VWA5B1: variants seen among roughly 807,000 people sequenced by gnomAD.
VWA5B1 encodes von Willebrand factor A domain containing 5B1.
VWA5B1 carries 115 observed loss-of-function variants against 118.2 expected under a neutral mutation model. The observed-to-expected ratio is 0.97, with a 90% CI of 0.84 to 1.14. The LOEUF is 1.14. Among genes scored for constraint, VWA5B1 ranks in the 50% most tolerant of loss-of-function variants. The pLI, the probability that VWA5B1 is intolerant of heterozygous loss-of-function variation, is 0.00. For synonymous variants in VWA5B1, 682 were observed against 658.4 expected (o/e 1.04, Z -0.55); for missense variants, 1,596 against 1,603.8 (o/e 1.00, Z 0.08).
chr1:20,327,482 C>T (rs973634047), intron 8 of VWA5B1, among the ~76,000 whole-genome samples: 1 of 152,112 alleles, frequency 6.6e-6, no homozygotes, highest in Non-Finnish European at 1.5e-5. Flanking sequence ...AGGCCACTTT[C>T]CTCCCTTGGA....
At position 20,291,359 on chromosome 1, in the gene VWA5B1, T is replaced by TTCTTTCTTTCTCTCTCTCTCTC. The variant is rs1381113890; in HGVS notation, c.-27+274_-27+275insTTCTTTCTCTCTCTCTCTCTCT. 2.9e-5 allele frequency among the ~76,000 whole-genome samples: 3 copies of TTCTTTCTTTCTCTCTCTCTCTC among 103,408 alleles called. No homozygotes were observed. In the East Asian group the frequency reaches 9.0e-4, roughly 31 times the overall value. The allele number at this position is 103,408 out of a possible 152,430, so 67.8% of individuals were successfully genotyped here. ...TCTCTCTCTTTCTTTCTTTCTTTCTTTCTCTCTCTCTCTCTCTCTCTCTCT... is the reference window on the plus strand; with the variant it reads ...TCTCTCTCTTTCTTTCTTTCTTTCTTTCTTTCTTTCTCTCTCTCTCTCTCTCTCTCTCTCTCTCTCTCTCTCT... On this transcript the variant is annotated intron_variant, in intron 1 of 21. Coordinates refer to ENST00000289815, the MANE Select transcript of VWA5B1 (RefSeq NM_001039500.3).
Position 20,318,740 on chromosome 1 carries a change from G to T in VWA5B1, c.841+19G>T. On this transcript the variant is annotated intron_variant, in intron 6 of 21. Coordinates refer to ENST00000289815, the MANE Select transcript of VWA5B1 (RefSeq NM_001039500.3). The stretch of plus-strand genomic sequence containing the variant: ...CCCAGCGGTACGGTGCCCCACAACG[G>T]GCCCCTGGGCTGCCTGTGGGAGGGA... 5 of 1,459,288 alleles carry T rather than the reference G, an allele frequency of 3.4e-6. No homozygotes were observed. The highest frequency in any genetic ancestry group is 4.5e-6 in the Non-Finnish European group (5 of 1,099,390). 90.4% of individuals were successfully genotyped at this position (1,459,288 alleles called of 1,614,324 possible). A position where few individuals can be genotyped will look rare whatever the true frequency, so the allele number is the denominator to read the frequency against.
intron 18 of VWA5B1, among the ~76,000 whole-genome samples, 178 bp downstream of exon 18, chr1:20,348,536 G>A (rs919267261): frequency 1.3e-5 from 2 of 152,128 alleles, no homozygotes; most frequent in African/African-American, 4.8e-5. Flanking sequence ...AAGAGGGACA[G>A]AGAGGCTCGG....
At position 20,342,567 on chromosome 1, in the gene VWA5B1, G is replaced by T; in HGVS notation, c.2269G>T (p.Val757Leu). Residue 757 changes from valine to leucine, a missense_variant, in exon 15 of 22, where the codon GTG (valine) becomes TTG (leucine). Transcript: ENST00000289815. ...CCAGGAGACCCAGGCCTGGAGCCCT[G>T]TGAGAGAGCGGACTTCTGACAGCCG... ...WGQETQAWSP[V>L]RERTSDSRSP... 1 of 1,523,770 alleles carries T rather than the reference G, an allele frequency of 6.6e-7. No individual in the cohort carries two copies. Among genetic ancestry groups the T allele is most frequent in the Non-Finnish European group, 8.8e-7 (1 of 1,135,938 alleles). 94.4% of individuals were successfully genotyped at this position (1,523,770 alleles called of 1,614,324 possible). A position where few individuals can be genotyped will look rare whatever the true frequency, so the allele number is the denominator to read the frequency against.
chr1:20,294,903 A>G (rs575534260), intron 1 of VWA5B1, among the ~76,000 whole-genome samples: 2 of 152,324 alleles, frequency 1.3e-5, no homozygotes, highest in East Asian at 3.9e-4. Context: ...ATGAGGTTTT[A>G]CTAATCTCTA....
At chr1:20,330,767 G>C in intron 10 of VWA5B1, 102 bp from the exon 11 acceptor site, 2 of 1,209,290 alleles carry the variant, frequency 1.7e-6, no homozygotes, top group African/African-American at 3.0e-5. Context: ...TATAGGGCCA[G>C]CTCCAAGATC....
chr1:20,350,176 G>T lies in VWA5B1; in HGVS notation c.2899G>T (p.Ala967Ser). The stretch of plus-strand genomic sequence containing the variant: ...CCTAGACATGGAGGCAAGTCCCACT[G>T]CTCTCTTCAGCGAGGCCAGGTCCCC... ...PGNDMEASPT[A>S]LFSEARSPGR... is the part of the protein sequence containing the mutation. The change falls in exon 19 of 22, where the codon GCT becomes TCT. Residue 967 changes from alanine to serine, a missense_variant. Coordinates refer to ENST00000289815, the MANE Select transcript of VWA5B1 (RefSeq NM_001039500.3). 1.3e-6 allele frequency: 2 copies of T among 1,551,200 alleles called. No homozygotes were observed. The highest frequency in any genetic ancestry group is 1.7e-6 in the Non-Finnish European group (2 of 1,146,972).
chr1:20,307,852 C>T (rs146785810), intron 1 of VWA5B1, among the ~76,000 whole-genome samples: 4 of 146,890 alleles, frequency 2.7e-5, no homozygotes, highest in Non-Finnish European at 5.9e-5. Flanking sequence ...TTTTTATTTG[C>T]GTGCATGTGT....
chr1:20,355,829 A>G lies in VWA5B1; in HGVS notation c.*1566A>G, dbSNP rs2090220500. Among the ~76,000 whole-genome samples, 1 of 140,834 alleles carries G rather than the reference A, an allele frequency of 7.1e-6. No homozygotes were observed. Among genetic ancestry groups the G allele is most frequent in the African/African-American group, 2.7e-5 (1 of 37,528 alleles). 92.4% of individuals were successfully genotyped at this position (140,834 alleles called of 152,430 possible). ...CCCCCACCCCTCCATCTATGCCACA[A>G]GTCTCCCGCGAGGGATTCTCACAGC... is the stretch of plus-strand genomic sequence containing the variant. On this transcript the variant is annotated 3_prime_UTR_variant, in exon 22 of 22. Transcript: ENST00000289815.
chr1:20,353,336 G>T (rs1225834310), intron 21 of VWA5B1, among the ~76,000 whole-genome samples: 1 of 152,176 alleles, frequency 6.6e-6, no homozygotes, highest in African/African-American at 2.4e-5. Flanking sequence ...ATGGATTGGG[G>T]GTGGGGAGAG....
At chr1:20,344,187 A>T (rs564099396) in intron 16 of VWA5B1, among the ~76,000 whole-genome samples, 1 of 142,010 alleles carries the variant, frequency 7.0e-6, no homozygotes, top group South Asian at 2.3e-4. Context: ...TTCCACCCCC[A>T]TTCAGTGACC....
rs2088369844 is a variant in VWA5B1 at position 20,294,591 on chromosome 1, T to A, written c.-27+3503T>A. On this transcript the variant is annotated intron_variant, in intron 1 of 21. Coordinates refer to ENST00000289815, the MANE Select transcript of VWA5B1 (RefSeq NM_001039500.3). ...GCCTCCCAGGTTCAAGCAATTCACC[T>A]GCCTCAGCCTCCCAAGTAGCTGGGA... Among the ~76,000 whole-genome samples the A allele has an allele frequency of 3.3e-5, 5 of 152,174 alleles. No homozygotes were observed. In the South Asian group the frequency reaches 1.0e-3, roughly 31 times the overall value.
At chr1:20,349,056 A>C (rs1297173992) in intron 18 of VWA5B1, 1 of 286,394 alleles carries the variant, frequency 3.5e-6, no homozygotes, top group Non-Finnish European at 7.5e-6. Context: ...CCGCCTGGCC[A>C]CTAGCCCAGC....
chr1:20,321,006 G>T (rs1400436129), intron 7 of VWA5B1, among the ~76,000 whole-genome samples: 4 of 152,028 alleles, frequency 2.6e-5, no homozygotes, highest in East Asian at 3.9e-4. Flanking sequence ...CAATCAGGAA[G>T]AGTGGGTGGG....
At chr1:20,333,809 CT>C (rs901624182) in intron 12 of VWA5B1, among the ~76,000 whole-genome samples, 1 of 152,218 alleles carries the variant, frequency 6.6e-6, no homozygotes, top group Non-Finnish European at 1.5e-5. Context: ...CCTCACCTAT[CT>C]TTCCTCTTTC....
intron 20 of VWA5B1, among the ~76,000 whole-genome samples, chr1:20,351,303 G>A (rs575677120): frequency 1.3e-5 from 2 of 152,284 alleles, no homozygotes; most frequent in East Asian, 3.9e-4. Context: ...AGGATCACTT[G>A]AGGCCAGGAG....
At chr1:20,291,549 C>G (rs192448149) in intron 1 of VWA5B1, among the ~76,000 whole-genome samples, 2 of 152,086 alleles carry the variant, frequency 1.3e-5, no homozygotes, top group African/African-American at 4.8e-5. Context: ...TCCTCCCTCT[C>G]TCAACCTTCC....
rs1044087931 is a variant in VWA5B1, at chr1:20,310,736, C to G, written c.135C>G (p.Phe45Leu). ...ATGGCAACCTGGAAGCCCAGCCCTTCCAGGGTAAGGACACCTGCTGGGGCC... is the reference window on the plus strand; with the variant it reads ...ATGGCAACCTGGAAGCCCAGCCCTTGCAGGGTAAGGACACCTGCTGGGGCC... ...LTYGNLEAQP[F>L]QGLFVYPLDE... Residue 45 changes from phenylalanine to leucine, a missense_variant, in exon 2 of 22, where the codon TTC (phenylalanine) becomes TTG (leucine). Physicochemically the swap from Phe to Leu is conservative, Grantham distance 22. Coordinates refer to ENST00000289815, the MANE Select transcript of VWA5B1 (RefSeq NM_001039500.3). The G allele has an allele frequency of 5.8e-6, 9 of 1,546,208 alleles. No individual in the cohort carries two copies. The highest frequency in any genetic ancestry group is 2.0e-5 in the Admixed American group (1 of 49,864).
chr1:20,317,314 G>A (rs939066882), intron 4 of VWA5B1, among the ~76,000 whole-genome samples: 3 of 152,164 alleles, frequency 2.0e-5, no homozygotes, highest in African/African-American at 7.2e-5. Context: ...ACCGTGCCTG[G>A]TGCCTGGCCC....
Sources: allele counts gnomAD v4.1 joint callset (sites outside exome capture counted in the v4.1 genomes callset), GRCh38; gene constraint gnomAD v4.1.1; transcripts MANE v1.5; gene names NCBI Gene and HGNC (gene_info 2026-07-23, HGNC 2026-07-21).